Variants in LRRFIP1 observed in about 807,000 individuals in gnomAD.
LRRFIP1 encodes leucine-rich repeat flightless-interacting protein 1.
In LRRFIP1, 62 loss-of-function variants were observed where a neutral mutation model predicts 104.4. The ratio of observed to expected loss-of-function variants is 0.59; its 90% CI spans 0.48 to 0.73. The LOEUF (loss-of-function observed/expected upper bound fraction) is 0.73. Ranked by LOEUF, LRRFIP1 falls within the 30% of genes least tolerant of loss-of-function variation. LRRFIP1 has a pLI of 0.00. For synonymous variants in LRRFIP1, 300 were observed against 299.0 expected (o/e 1.00, Z -0.03); for missense variants, 796 against 824.5 (o/e 0.97, Z 0.42).
intron 1 of LRRFIP1, 31 bp downstream of exon 1, chr2:237,627,771 G>A: frequency 1.7e-6 from 2 of 1,197,446 alleles, no homozygotes; most frequent in South Asian, 2.8e-5. Flanking sequence ...GCCGGGGGGC[G>A]CCGGGCGGGC....
intron 16 of LRRFIP1, 152 bp downstream of exon 16, chr2:237,756,339 G>A: frequency 1.5e-6 from 1 of 645,410 alleles, no homozygotes; most frequent in Non-Finnish European, 2.6e-6. Flanking sequence ...TCTGGAGGCT[G>A]GGAGTCCAAG....
At chr2:237,663,899 A>C (rs2088615961) in intron 1 of LRRFIP1, among the ~76,000 whole-genome samples, 1 of 152,230 alleles carries the variant, frequency 6.6e-6, no homozygotes, top group African/African-American at 2.4e-5. Flanking sequence ...CAGGGTGGTC[A>C]AAGCCACATA....
At chr2:237,757,783 G>A (rs1257453373) in intron 17 of LRRFIP1, among the ~76,000 whole-genome samples, 1 of 152,072 alleles carries the variant, frequency 6.6e-6, no homozygotes, top group Non-Finnish European at 1.5e-5. Context: ...TTGTGAATGC[G>A]TAGCTGTGCG....
intron 1 of LRRFIP1, among the ~76,000 whole-genome samples, chr2:237,686,178 T>C: frequency 6.6e-6 from 1 of 152,164 alleles, no homozygotes; most frequent in Non-Finnish European, 1.5e-5. Context: ...TGTGCTGAGG[T>C]GCCTGTTAGA....
At chr2:237,762,869 G>A (rs774471408) in intron 19 of LRRFIP1, 2 of 1,614,170 alleles carry the variant, frequency 1.2e-6, no homozygotes, top group Non-Finnish European at 1.7e-6. Flanking sequence ...TGAAAACACA[G>A]TACAGGTTGA....
intron 2 of LRRFIP1, among the ~76,000 whole-genome samples, chr2:237,712,631 GTGTGCGTGTGCA>G (rs995805392): frequency 3.3e-5 from 5 of 152,150 alleles, no homozygotes; most frequent in Middle Eastern, 3.2e-3. Context: ...GCATTCGTGT[GTGTGCGTGTGCA>G]TGTGTGTGTG....
At chr2:237,724,848 A>C (rs746819982) in intron 7 of LRRFIP1, among the ~76,000 whole-genome samples, 1 of 152,198 alleles carries the variant, frequency 6.6e-6, no homozygotes, top group Non-Finnish European at 1.5e-5. Flanking sequence ...ATTCAATAGA[A>C]TGCATCAGGG....
At chr2:237,692,534 C>G (rs753238212) in intron 1 of LRRFIP1, 17 of 1,506,934 alleles carry the variant, frequency 1.1e-5, no homozygotes, top group Non-Finnish European at 1.4e-5. Context: ...AAGAGGAAAG[C>G]GCTTCCGAAA....
chr2:237,770,323 G>C (rs77481076), intron 20 of LRRFIP1: 347 of 259,982 alleles, frequency 1.3e-3, no homozygotes, highest in African/African-American at 4.8e-3. Flanking sequence ...ACTGTTGAGA[G>C]ACAAGAGCAT....
In LRRFIP1 at chr2:237,724,806, AT is replaced by A. The variant is rs765643957; in HGVS notation, c.384+1230del. Among the ~76,000 whole-genome samples, 341 of 150,564 alleles carry A rather than the reference AT, an allele frequency of 2.3e-3. 2 individuals carry two copies. The highest frequency in any genetic ancestry group is 3.1e-3 in the Non-Finnish European group (209 of 67,458). ...AGCAATGGTCAGGAACACATTTTGG[AT>A]TTTTTTTTTCGGTCTTAATTCTTTT... On this transcript the variant is annotated intron_variant, in intron 7 of 23. Coordinates refer to ENST00000308482, the MANE Select transcript of LRRFIP1 (RefSeq NM_001137550.2).
chr2:237,681,719 G>A lies in LRRFIP1; in HGVS notation c.97-26825G>A, dbSNP rs1331698972. 1.8e-3 allele frequency among the ~76,000 whole-genome samples: 152 copies of A among 85,714 alleles called. 13 individuals carry two copies. In the East Asian group the frequency reaches 0.049, roughly 28 times the overall value. The allele number at this position is 85,714 out of a possible 152,430, so 56.2% of individuals were successfully genotyped here. A position where few individuals can be genotyped will look rare whatever the true frequency, so the allele number is the denominator to read the frequency against. Reference sequence around the variant, plus strand: ...TTTTGAGACGGAGTCTCGCTCTGTCGCCCAGGCTGGAGTGCAGTGGCGGGA... The same window carrying A: ...TTTTGAGACGGAGTCTCGCTCTGTCACCCAGGCTGGAGTGCAGTGGCGGGA... On this transcript the variant is annotated intron_variant, in intron 1 of 23. Transcript: ENST00000308482.
chr2:237,721,044 C>T (rs563260471), intron 6 of LRRFIP1: 33 of 498,950 alleles, frequency 6.6e-5, no homozygotes, highest in East Asian at 9.5e-5. Context: ...TTCTTTCTCC[C>T]GAGATGAAGT....
chr2:237,659,367 A>AT (rs1213600609), intron 1 of LRRFIP1, among the ~76,000 whole-genome samples: 2 of 151,882 alleles, frequency 1.3e-5, no homozygotes, highest in African/African-American at 4.8e-5. Context: ...AAGTGCTGGG[A>AT]TTACAGGCAA....
intron 1 of LRRFIP1, among the ~76,000 whole-genome samples, chr2:237,688,433 T>C (rs983594163): frequency 5.3e-4 from 78 of 146,044 alleles, no homozygotes; most frequent in Non-Finnish European, 8.3e-4. Context: ...ATGGTCCAGA[T>C]GGACCCCCTT....
At position 237,649,871 on chromosome 2, in the gene LRRFIP1, G is replaced by A. The variant is rs1018727198; in HGVS notation, c.96+22131G>A. On this transcript the variant is annotated intron_variant, in intron 1 of 23. Transcript: ENST00000308482. The surrounding 1 kb of genome is among the most constrained non-coding windows in gnomAD (Gnocchi z 4.1). ...CAAAAAAAAAAATTGATTACCCCCC[G>A]GCATGTCCTAATATACTGCAGCCTT... is the stretch of plus-strand genomic sequence containing the variant. Among the ~76,000 whole-genome samples the A allele has an allele frequency of 2.6e-5, 4 of 151,744 alleles. 1 individual carries two copies. Among genetic ancestry groups the A allele is most frequent in the Non-Finnish European group, 5.9e-5 (4 of 67,912 alleles).
rs1190647396 is a variant in LRRFIP1, at chr2:237,774,419, T to C, written c.1769T>C (p.Ile590Thr). The C allele has an allele frequency of 1.2e-6, 2 of 1,613,604 alleles. No homozygotes were observed. Among genetic ancestry groups the C allele is most frequent in the Non-Finnish European group, 1.7e-6 (2 of 1,179,766 alleles). ...YKSAAENAEK[I>T]EDELKAEKRK... ...TCAGCGGCTGAAAATGCAGAAAAAATAGAAGATGAACTTAAGGCAGAAAAA... is the reference window on the plus strand; with the variant it reads ...TCAGCGGCTGAAAATGCAGAAAAAACAGAAGATGAACTTAAGGCAGAAAAA... Residue 590 changes from isoleucine to threonine, a missense_variant, in exon 23 of 24, where the codon ATA (isoleucine) becomes ACA (threonine). Physicochemically the swap from Ile to Thr is moderately conservative, Grantham distance 89 (BLOSUM62 -1). Transcript: ENST00000308482.
chr2:237,632,802 C>A (rs889692548), intron 1 of LRRFIP1, among the ~76,000 whole-genome samples: 14 of 151,834 alleles, frequency 9.2e-5, no homozygotes, highest in Non-Finnish European at 1.6e-4. Context: ...CTGAGCCCAG[C>A]TGCAAAGATG....
intron 12 of LRRFIP1, 89 bp downstream of exon 12, chr2:237,748,488 A>G (rs1203815868): frequency 1.6e-6 from 2 of 1,255,454 alleles, no homozygotes; most frequent in Non-Finnish European, 2.3e-6. Context: ...TTTAATAAGG[A>G]TGTTCCCCAG....
intron 1 of LRRFIP1, among the ~76,000 whole-genome samples, chr2:237,638,185 G>A (rs777675501): frequency 2.0e-5 from 3 of 152,230 alleles, no homozygotes; most frequent in Non-Finnish European, 2.9e-5. Flanking sequence ...GGAGCCAAGA[G>A]CTTATTTTCC....
Sources: gnomAD v4.1 joint callset for allele counts (sites outside exome capture counted in the v4.1 genomes callset) on GRCh38, gnomAD v4.1.1 for gene constraint, Gnocchi (gnomAD v3.1) non-coding constraint, MANE v1.5 for transcripts, NCBI Gene and HGNC (gene_info 2026-07-23, HGNC 2026-07-21) for gene names.